The following HS6ST1 variants were observed in gnomAD, a reference collection of about 807,000 sequenced individuals.
The protein encoded by HS6ST1 is heparan sulfate 6-O-sulfotransferase 1.
HS6ST1 carries 3 observed loss-of-function variants against 25.2 expected under a neutral mutation model. The observed-to-expected ratio is 0.12, with a 90% CI of 0.05 to 0.31. The LOEUF is 0.31. Among genes scored for constraint, HS6ST1 ranks in the 10% least tolerant of loss-of-function variants. HS6ST1 has a pLI of 1.00. For missense variants in HS6ST1, 310 were observed against 609.6 expected, an observed-to-expected ratio of 0.51 and a Z score of 5.18; for synonymous variants, 204 against 275.1, an observed-to-expected ratio of 0.74 and a Z score of 2.56.
intron 1 of HS6ST1, among the ~76,000 whole-genome samples, chr2:128,287,006 G>A (rs1693874793): frequency 6.6e-6 from 1 of 152,224 alleles, no homozygotes; most frequent in African/African-American, 2.4e-5. Flanking sequence ...GGAAGCAGAG[G>A]CCCCACACTG....
chr2:128,315,445 C>T (rs1315962897), intron 1 of HS6ST1, among the ~76,000 whole-genome samples: 1 of 152,082 alleles, frequency 6.6e-6, no homozygotes, highest in East Asian at 1.9e-4. Flanking sequence ...TGGAGAGGTT[C>T]CAGGAGCCAG....
intron 1 of HS6ST1, among the ~76,000 whole-genome samples, chr2:128,309,256 A>G (rs1694254659): frequency 6.6e-6 from 1 of 152,238 alleles, no homozygotes; most frequent in Non-Finnish European, 1.5e-5. Flanking sequence ...TGTGGAGCTT[A>G]CAGAGTGAAC....
chr2:128,298,276 G>A (rs1694069674), intron 1 of HS6ST1, among the ~76,000 whole-genome samples: 2 of 152,128 alleles, frequency 1.3e-5, no homozygotes, highest in South Asian at 2.1e-4. Flanking sequence ...CAAAAAAAAT[G>A]AGATACAGAA....
rs202155445 is a variant in HS6ST1, at chr2:128,268,273, G to A, written c.1125C>T (p.Arg375=). The A allele has an allele frequency of 1.1e-4, 181 of 1,612,334 alleles. No homozygotes were observed. The highest frequency in any genetic ancestry group is 1.9e-4 in the African/African-American group (14 of 75,010). Residue 375 remains arginine (R), a synonymous_variant, in exon 2 of 2, where the codon CGC becomes CGT. Transcript: ENST00000259241. ...LERREQRLRS[R]EERLLHRAKE... ...TGGCCCGGTGCAGCAGACGCTCCTC[G>A]CGGCTCCTCAGGCGCTGCTCCCTGC... is the stretch of plus-strand genomic sequence containing the variant.
At chr2:128,293,299 A>G (rs1390780511) in intron 1 of HS6ST1, among the ~76,000 whole-genome samples, 1 of 152,234 alleles carries the variant, frequency 6.6e-6, no homozygotes, top group Non-Finnish European at 1.5e-5. Context: ...AGCCTGCCCA[A>G]GGGCCAGCCT....
chr2:128,314,961 G>C (rs1453532663), intron 1 of HS6ST1, among the ~76,000 whole-genome samples: 1 of 152,238 alleles, frequency 6.6e-6, no homozygotes, highest in Admixed American at 6.5e-5. Context: ...TCTGGCTCTG[G>C]AGCACCATCT....
At chr2:128,310,319 GGCCCCA>G (rs575555991) in intron 1 of HS6ST1, among the ~76,000 whole-genome samples, 28 of 152,336 alleles carry the variant, frequency 1.8e-4, no homozygotes, top group Non-Finnish European at 2.4e-4. Flanking sequence ...CAGTGAGCTG[GGCCCCA>G]GCCCCAGCCC....
chr2:128,307,933 T>C (rs1694236467), intron 1 of HS6ST1, among the ~76,000 whole-genome samples: 1 of 152,132 alleles, frequency 6.6e-6, no homozygotes, highest in African/African-American at 2.4e-5. Context: ...CAGAGATCCG[T>C]CTGGACTACC....
chr2:128,285,065 C>T (rs12477083), intron 1 of HS6ST1, among the ~76,000 whole-genome samples: 1 of 152,134 alleles, frequency 6.6e-6, no homozygotes, highest in African/African-American at 2.4e-5. Context: ...AGGAAACAGG[C>T]GGCATGCCAG....
chr2:128,283,213 A>T (rs757493341), intron 1 of HS6ST1, among the ~76,000 whole-genome samples: 1 of 152,124 alleles, frequency 6.6e-6, no homozygotes, highest in African/African-American at 2.4e-5. Flanking sequence ...GCCCAGGGTG[A>T]CTGCTTAGGG....
intron 1 of HS6ST1, among the ~76,000 whole-genome samples, chr2:128,308,914 T>C: frequency 6.6e-6 from 1 of 152,208 alleles, no homozygotes; most frequent in East Asian, 1.9e-4. Context: ...CCAGGACAGA[T>C]GGGTCAGATT....
chr2:128,310,973 A>G (rs1421094218), intron 1 of HS6ST1, among the ~76,000 whole-genome samples: 1 of 150,050 alleles, frequency 6.7e-6, no homozygotes, highest in Non-Finnish European at 1.5e-5. Flanking sequence ...CTGAAACCCA[A>G]CTGTGCTTTC....
At position 128,266,489 on chromosome 2, in the gene HS6ST1, A is replaced by T. The variant is rs1231401438; in HGVS notation, c.*1673T>A. On this transcript the variant is annotated 3_prime_UTR_variant, in exon 2 of 2. Coordinates refer to ENST00000259241, the MANE Select transcript of HS6ST1 (RefSeq NM_004807.3). ...AAATGGGGCCAGTGTAGGAGACCTG[A>T]GGGTGGGGCCCTTATGCCAGACCTC... The T allele has an allele frequency of 6.6e-6, 1 of 152,242 alleles. No homozygotes were observed. The highest frequency in any genetic ancestry group is 1.9e-4 in the East Asian group (1 of 5,188). 9.4% of individuals were successfully genotyped at this position (152,242 alleles called of 1,614,324 possible).
At chr2:128,281,358 C>A (rs988896011) in intron 1 of HS6ST1, among the ~76,000 whole-genome samples, 1 of 152,176 alleles carries the variant, frequency 6.6e-6, no homozygotes, top group Non-Finnish European at 1.5e-5. Context: ...GCTCATGTGG[C>A]CCTCAAGAGA....
chr2:128,270,929 T>C (rs1268584563), intron 1 of HS6ST1, among the ~76,000 whole-genome samples: 2 of 152,198 alleles, frequency 1.3e-5, no homozygotes, highest in African/African-American at 4.8e-5. Context: ...AGGCCCCATC[T>C]GGGAAACACA....
At chr2:128,282,305 C>T (rs527768472) in intron 1 of HS6ST1, among the ~76,000 whole-genome samples, 6 of 152,280 alleles carry the variant, frequency 3.9e-5, no homozygotes, top group South Asian at 2.1e-4. Flanking sequence ...ACAGAAACTG[C>T]GGCTGTCCAG....
chr2:128,318,485 A>C lies in HS6ST1; in HGVS notation c.79T>G (p.Cys27Gly), dbSNP rs1166383943. The C allele has an allele frequency of 1.3e-6, 2 of 1,554,826 alleles. No individual in the cohort carries two copies. Among genetic ancestry groups the C allele is most frequent in the African/African-American group, 1.4e-5 (1 of 73,262 alleles). ...TACTGGTACAAGATGAGCATGAAGC[A>C]CACCGAGCCCGCCACCACCAGCACG... is the stretch of plus-strand genomic sequence containing the variant. ...KFVLVVAGSV[C>G]FMLILYQYAG... The change falls in exon 1 of 2, where the codon TGC becomes GGC. Residue 27 changes from cysteine (C) to glycine (G), a missense_variant. Cys to Gly is a radical substitution (Grantham distance 159). Transcript: ENST00000259241. The surrounding 1 kb of genome is among the most constrained non-coding windows in gnomAD (Gnocchi z 5.7).
At chr2:128,293,691 A>G (rs568125947) in intron 1 of HS6ST1, among the ~76,000 whole-genome samples, 2 of 152,324 alleles carry the variant, frequency 1.3e-5, no homozygotes, top group South Asian at 4.1e-4. Flanking sequence ...CAGAGGGCAA[A>G]GAGAGACCAT....
At chr2:128,276,988 G>C (rs1160507975) in intron 1 of HS6ST1, among the ~76,000 whole-genome samples, 1 of 152,162 alleles carries the variant, frequency 6.6e-6, no homozygotes, top group African/African-American at 2.4e-5. Context: ...GGGCAGTGGG[G>C]GTTGCCCTGA....
Sources: allele counts gnomAD v4.1 joint callset (sites outside exome capture counted in the v4.1 genomes callset), GRCh38; gene constraint gnomAD v4.1.1; non-coding constraint Gnocchi (gnomAD v3.1); transcripts MANE v1.5; gene names NCBI Gene and HGNC (gene_info 2026-07-23, HGNC 2026-07-21).